Variants in UBR1 observed in about 807,000 individuals in gnomAD.
UBR1 encodes E3 ubiquitin-protein ligase UBR1.
In UBR1, 102 loss-of-function variants were observed where a neutral mutation model predicts 242.1. That is an observed-to-expected ratio of 0.42 (90% CI 0.36 to 0.50). The LOEUF is 0.50. UBR1 is among the 20% of genes least tolerant of loss of function. The probability of loss-of-function intolerance (pLI) is 0.01; values close to 1 mark genes in which losing one functional copy is unlikely to be tolerated. For missense variants in UBR1, 1,772 were observed against 2,101.8 expected (o/e 0.84, Z 3.07); for synonymous variants, 675 against 684.8 (o/e 0.99, Z 0.22).
At chr15:43,027,408 C>T (rs1361974137) in intron 22 of UBR1, among the ~76,000 whole-genome samples, 1 of 151,786 alleles carries the variant, frequency 6.6e-6, no homozygotes, top group Non-Finnish European at 1.5e-5. Context: ...TTATAAAATA[C>T]TGTTTTAATT....
chr15:43,027,722 C>T (rs1249583777), intron 22 of UBR1, 54 bp downstream of exon 22: 2 of 1,536,912 alleles, frequency 1.3e-6, no homozygotes, highest in East Asian at 2.3e-5. Flanking sequence ...ATCCAAAGTA[C>T]AAGAACAAAG....
chr15:43,097,541 A>T (rs2034176363), intron 1 of UBR1, among the ~76,000 whole-genome samples: 2 of 152,224 alleles, frequency 1.3e-5, no homozygotes, highest in Admixed American at 6.5e-5. Context: ...TTACATGGAA[A>T]ATCTGTTTAG....
At chr15:43,019,284 C>T (rs1198876550) in intron 27 of UBR1, among the ~76,000 whole-genome samples, 3 of 152,004 alleles carry the variant, frequency 2.0e-5, no homozygotes, top group Admixed American at 6.6e-5. Context: ...AGGATGGTCT[C>T]GATCTCCTGA....
At chr15:42,948,520 G>A (rs1425657397) in intron 46 of UBR1, among the ~76,000 whole-genome samples, 15 of 152,064 alleles carry the variant, frequency 9.9e-5, no homozygotes, top group South Asian at 8.3e-4. Context: ...GAAAATTTTC[G>A]CAACCTACTC....
intron 3 of UBR1, among the ~76,000 whole-genome samples, chr15:43,079,039 C>G (rs540103623): frequency 1.3e-5 from 2 of 151,954 alleles, no homozygotes; most frequent in African/African-American, 4.8e-5. Context: ...AGCAGGAATA[C>G]AAGAGAATGA....
At chr15:43,094,504 TC>T (rs1363593275) in intron 1 of UBR1, among the ~76,000 whole-genome samples, 1 of 151,614 alleles carries the variant, frequency 6.6e-6, no homozygotes, top group Non-Finnish European at 1.5e-5. Flanking sequence ...TAAATTTTTT[TC>T]TATTTCTTTT....
At chr15:42,961,728 T>C (rs945676636) in intron 42 of UBR1, among the ~76,000 whole-genome samples, 1 of 150,900 alleles carries the variant, frequency 6.6e-6, no homozygotes, top group Non-Finnish European at 1.5e-5. Context: ...CCACTGTGCC[T>C]GGCTCTGTGT....
At chr15:43,013,281 A>C (rs767146008) in intron 29 of UBR1, among the ~76,000 whole-genome samples, 123 of 152,102 alleles carry the variant, frequency 8.1e-4, no homozygotes, top group Non-Finnish European at 1.3e-3. Flanking sequence ...CAATATTTTA[A>C]ATTTCTTGGA....
In UBR1 at chr15:42,966,161, A is replaced by C. The variant is rs953911188; in HGVS notation, c.4583T>G (p.Leu1528Arg). ...YLLGVTPPEE[L>R]HTNSAEGEYS... ...TTCATTTTTCTACTTACTGGTATGC[A>C]GTTCCTCAGGCGGAGTTACCCCAAG... The change falls in exon 41 of 47, where the codon CTG becomes CGG. Residue 1528 changes from leucine (L) to arginine (R), a missense_variant. By Grantham distance (102) the Leu-to-Arg change is moderately radical. Coordinates refer to ENST00000290650, the MANE Select transcript of UBR1 (RefSeq NM_174916.3). 3 of 1,614,052 alleles carry C rather than the reference A, an allele frequency of 1.9e-6. No individual in the cohort carries two copies. In the African/African-American group the frequency reaches 4.0e-5, roughly 22 times the overall value.
At chr15:42,953,808 G>A (rs935530610) in intron 44 of UBR1, among the ~76,000 whole-genome samples, 7 of 151,710 alleles carry the variant, frequency 4.6e-5, no homozygotes, top group African/African-American at 1.7e-4. Flanking sequence ...ATATCATCCA[G>A]AAGGATCCTC....
intron 29 of UBR1, among the ~76,000 whole-genome samples, chr15:43,008,566 G>A (rs112929196): frequency 0.027 from 4,149 of 152,338 alleles, 77 homozygotes; most frequent in Non-Finnish European, 0.04. Flanking sequence ...TGTTGATGGC[G>A]GCAGGAGGCA....
At chr15:43,070,745 A>C (rs762567606) in intron 5 of UBR1, 50 bp downstream of exon 5, 4 of 1,607,590 alleles carry the variant, frequency 2.5e-6, no homozygotes, top group East Asian at 4.5e-5. Flanking sequence ...CACATTTTGC[A>C]ATACAAATAA....
At chr15:43,027,009 T>C (rs1467454204) in intron 22 of UBR1, among the ~76,000 whole-genome samples, 1 of 152,100 alleles carries the variant, frequency 6.6e-6, no homozygotes, top group Non-Finnish European at 1.5e-5. Flanking sequence ...GAACACTTCA[T>C]TGACCTTAGA....
At chr15:43,058,307 T>C in intron 10 of UBR1, 34 bp downstream of exon 10, 1 of 1,333,302 alleles carries the variant, frequency 7.5e-7, no homozygotes, top group East Asian at 2.4e-5. Context: ...ACTGCCTATT[T>C]CTATTTATTG....
intron 1 of UBR1, among the ~76,000 whole-genome samples, chr15:43,087,766 AT>A (rs963480185): frequency 9.9e-5 from 15 of 152,144 alleles, no homozygotes; most frequent in Admixed American, 4.6e-4. Flanking sequence ...CAGCATGACT[AT>A]TTTTAATCGT....
chr15:43,014,815 G>T (rs1437345855), intron 29 of UBR1, among the ~76,000 whole-genome samples: 1 of 144,736 alleles, frequency 6.9e-6, no homozygotes, highest in Non-Finnish European at 1.5e-5. Flanking sequence ...CCGGCCAGCC[G>T]CCCCGTCCGG....
chr15:42,967,458 G>C (rs537102106), intron 40 of UBR1, among the ~76,000 whole-genome samples: 202 of 150,228 alleles, frequency 1.3e-3, no homozygotes, highest in South Asian at 4.2e-3. Flanking sequence ...AAGAAATGTG[G>C]AGAAAAAAAA....
At chr15:43,089,417 C>T (rs1035604735) in intron 1 of UBR1, among the ~76,000 whole-genome samples, 23 of 152,032 alleles carry the variant, frequency 1.5e-4, no homozygotes, top group African/African-American at 5.6e-4. Context: ...ATGTCGTGAA[C>T]CCAGGAGGCG....
rs769949962 is a variant in UBR1, at chr15:42,950,306, T to C, written c.5064A>G (p.Pro1688=). ...CTCCATATTCATCCAAGTAAGGAGCTGGATAGGCACAGCCTCTGGCTTTAC... is the reference window on the plus strand; with the variant it reads ...CTCCATATTCATCCAAGTAAGGAGCCGGATAGGCACAGCCTCTGGCTTTAC... ...VEGKARGCAY[P]APYLDEYGET... is the part of the protein sequence containing the mutation. The change falls in exon 46 of 47, where the codon CCA becomes CCG. Residue 1688 remains proline (P), a synonymous_variant. Coordinates refer to ENST00000290650, the MANE Select transcript of UBR1 (RefSeq NM_174916.3). 6 of 1,614,210 alleles carry C rather than the reference T, an allele frequency of 3.7e-6. No homozygotes were observed. Among genetic ancestry groups the C allele is most frequent in the East Asian group, 4.5e-5 (2 of 44,880 alleles).
Sources: allele counts gnomAD v4.1 joint callset (sites outside exome capture counted in the v4.1 genomes callset), GRCh38; gene constraint gnomAD v4.1.1; transcripts MANE v1.5; gene names NCBI Gene and HGNC (gene_info 2026-07-23, HGNC 2026-07-21).